C12orf42: variants seen among roughly 807,000 people sequenced by gnomAD.
The protein encoded by C12orf42 is uncharacterized protein C12orf42.
A neutral mutation model predicts 21.6 loss-of-function variants in C12orf42; 25 were observed. The ratio of observed to expected loss-of-function variants is 1.16; its 90% CI spans 0.84 to 1.62. C12orf42 has a LOEUF of 1.62. Among genes scored for constraint, C12orf42 ranks in the 40% most tolerant of loss-of-function variants. The probability of loss-of-function intolerance (pLI) is 0.00; values close to 1 mark genes in which losing one functional copy is unlikely to be tolerated. For synonymous variants in C12orf42, 174 were observed against 175.0 expected (o/e 0.99, Z 0.05); for missense variants, 483 against 459.3 (o/e 1.05, Z -0.47).
At chr12:103,511,238 T>TA in the C12orf42 span, among the ~76,000 whole-genome samples, 1 of 152,096 alleles carries the variant, frequency 6.6e-6, no homozygotes, top group African/African-American at 2.4e-5. Context: ...ATAAAGTGAT[T>TA]AAAAAATGCT....
chr12:103,423,200 G>A (rs1178248805), intron 2 of C12orf42, among the ~76,000 whole-genome samples: 1 of 152,210 alleles, frequency 6.6e-6, no homozygotes, highest in African/African-American at 2.4e-5. Context: ...GTCAAAGCCA[G>A]GACCTCAGCT....
At chr12:103,090,147 C>T in the C12orf42 span, among the ~76,000 whole-genome samples, 1,448 of 152,274 alleles carry the variant, frequency 9.5e-3, 11 homozygotes, top group Non-Finnish European at 0.014. Flanking sequence ...ACTTGTTTAG[C>T]GTGGTCTGAT....
At chr12:103,510,909 T>A in the C12orf42 span, among the ~76,000 whole-genome samples, 1 of 152,204 alleles carries the variant, frequency 6.6e-6, no homozygotes, top group Non-Finnish European at 1.5e-5. Context: ...AGCCCCATCA[T>A]CTACTAAGAG....
the C12orf42 span, among the ~76,000 whole-genome samples, chr12:103,220,001 G>A: frequency 6.6e-6 from 1 of 152,094 alleles, no homozygotes; most frequent in African/African-American, 2.4e-5. Flanking sequence ...GCAAAGACTT[G>A]GAACCAACCC....
chr12:103,408,391 T>C (rs2048581953), intron 2 of C12orf42, among the ~76,000 whole-genome samples: 1 of 152,160 alleles, frequency 6.6e-6, no homozygotes, highest in African/African-American at 2.4e-5. Context: ...GAAGAGGGTG[T>C]GGAGGTGAGG....
chr12:103,078,035 C>A, the C12orf42 span, among the ~76,000 whole-genome samples: 1 of 151,632 alleles, frequency 6.6e-6, no homozygotes, highest in Non-Finnish European at 1.5e-5. Flanking sequence ...GGATTAAGGC[C>A]AAAAAAAATC....
the C12orf42 span, among the ~76,000 whole-genome samples, chr12:103,075,024 G>C: frequency 1.3e-5 from 2 of 152,100 alleles, no homozygotes; most frequent in Admixed American, 1.3e-4. Flanking sequence ...GGAGGTTAAG[G>C]CTGCAGTGAG....
the C12orf42 span, among the ~76,000 whole-genome samples, chr12:103,561,232 C>A: frequency 3.9e-5 from 6 of 152,174 alleles, no homozygotes; most frequent in African/African-American, 1.4e-4. Flanking sequence ...CATTCTCACA[C>A]GAACCAGAGC....
At chr12:103,548,538 C>G in the C12orf42 span, 1 of 152,146 alleles carries the variant, frequency 6.6e-6, no homozygotes, top group Non-Finnish European at 1.5e-5. Flanking sequence ...GGACATACAT[C>G]CACTCTCTTT....
the C12orf42 span, among the ~76,000 whole-genome samples, chr12:103,104,341 G>T: frequency 1.6e-4 from 24 of 152,334 alleles, no homozygotes; most frequent in African/African-American, 5.8e-4. Flanking sequence ...CAGCCAGAGT[G>T]AAGACTGAAC....
the C12orf42 span, among the ~76,000 whole-genome samples, chr12:103,528,477 G>A: frequency 6.6e-6 from 1 of 152,134 alleles, no homozygotes; most frequent in Non-Finnish European, 1.5e-5. Context: ...GTCATGGAGG[G>A]GGACCCCTCA....
the C12orf42 span, among the ~76,000 whole-genome samples, chr12:103,211,553 A>C: frequency 6.6e-6 from 1 of 152,210 alleles, no homozygotes; most frequent in Non-Finnish European, 1.5e-5. Context: ...TAAGGAATGA[A>C]GGCATCCAGC....
intron 4 of C12orf42, among the ~76,000 whole-genome samples, chr12:103,318,831 C>T (rs2039796347): frequency 7.5e-6 from 1 of 133,684 alleles, no homozygotes; most frequent in Admixed American, 7.1e-5. Flanking sequence ...GAATTGTACT[C>T]ACACAATTCA....
At chr12:103,482,099 AT>A (rs1475904424) in intron 1 of C12orf42, among the ~76,000 whole-genome samples, 1 of 151,912 alleles carries the variant, frequency 6.6e-6, no homozygotes, top group Non-Finnish European at 1.5e-5. Flanking sequence ...TATTGTTCTA[AT>A]TTTTTGCAGT....
the C12orf42 span, among the ~76,000 whole-genome samples, chr12:103,205,712 G>A: frequency 3.3e-5 from 5 of 152,042 alleles, no homozygotes; most frequent in Admixed American, 6.6e-5. Flanking sequence ...GCCAAAGGCA[G>A]GAAGCAGTCC....
chr12:103,478,444 C>G lies in C12orf42; in HGVS notation c.-18G>C, dbSNP rs781535454. 2.7e-6 allele frequency: 4 copies of G among 1,469,350 alleles called. No individual in the cohort carries two copies. The highest frequency in any genetic ancestry group is 1.4e-5 in the African/African-American group (1 of 72,300). 91.0% of individuals were successfully genotyped at this position (1,469,350 alleles called of 1,614,324 possible). A position where few individuals can be genotyped will look rare whatever the true frequency, so the allele number is the denominator to read the frequency against. ...GTAGACATTAATTTGACAAGTTCAA[C>G]TCCCTATAAACAAAGAATGGAGAAA... is the stretch of plus-strand genomic sequence containing the variant. On this transcript the variant is annotated 5_prime_UTR_variant, in exon 2 of 6. Coordinates refer to ENST00000548883, the MANE Select transcript of C12orf42 (RefSeq NM_198521.5).
chr12:103,229,276 A>G, the C12orf42 span, among the ~76,000 whole-genome samples: 5 of 152,198 alleles, frequency 3.3e-5, no homozygotes, highest in African/African-American at 9.6e-5. Context: ...TGGTTTCTGC[A>G]TGCCTCTTAA....
At chr12:103,270,312 C>T (rs1312715626) in intron 5 of C12orf42, 1 of 132,116 alleles carries the variant, frequency 7.6e-6, no homozygotes, top group Non-Finnish European at 1.6e-5. Context: ...AGCATTTCTA[C>T]TAGATGGAAG....
chr12:103,353,334 G>T (rs1343613306), intron 4 of C12orf42, among the ~76,000 whole-genome samples: 1 of 151,804 alleles, frequency 6.6e-6, no homozygotes, highest in African/African-American at 2.4e-5. Flanking sequence ...AGACTTGAAG[G>T]CACCAGTGAG....
Sources: gnomAD v4.1 joint callset for allele counts (sites outside exome capture counted in the v4.1 genomes callset) on GRCh38, gnomAD v4.1.1 for gene constraint, MANE v1.5 for transcripts, NCBI Gene and HGNC (gene_info 2026-07-23, HGNC 2026-07-21) for gene names.